The following PIK3C2G variants were observed in gnomAD, a reference collection of about 807,000 sequenced individuals.
PIK3C2G encodes the protein phosphatidylinositol-4-phosphate 3-kinase catalytic subunit type 2 gamma, also known as phosphatidylinositol 3-kinase C2 domain-containing subunit gamma.
Under a neutral mutation model 181.1 loss-of-function variants are expected in PIK3C2G, and 168 were observed. That is an observed-to-expected ratio of 0.93 (90% CI 0.82 to 1.05). The LOEUF (loss-of-function observed/expected upper bound fraction) is 1.05. Among genes scored for constraint, PIK3C2G ranks in the 50% least tolerant of loss-of-function variants. PIK3C2G has a pLI of 0.00. For missense variants in PIK3C2G, 1,869 were observed against 1,732.8 expected, an observed-to-expected ratio of 1.08 and a Z score of -1.40; for synonymous variants, 573 against 592.2, an observed-to-expected ratio of 0.97 and a Z score of 0.47.
chr12:18,397,956 T>C (rs1334194056), intron 15 of PIK3C2G, among the ~76,000 whole-genome samples: 3 of 152,104 alleles, frequency 2.0e-5, no homozygotes, highest in African/African-American at 4.8e-5. Context: ...GAATTAACTA[T>C]TGACAAACTC....
intron 31 of PIK3C2G, among the ~76,000 whole-genome samples, chr12:18,623,692 A>T (rs1234740690): frequency 1.3e-5 from 2 of 151,610 alleles, no homozygotes; most frequent in Non-Finnish European, 3.0e-5. Flanking sequence ...CTTTCCACGT[A>T]TTTGTGTTTT....
the PIK3C2G span, chr12:18,693,868 C>A: frequency 7.2e-6 from 11 of 1,533,432 alleles, no homozygotes; most frequent in South Asian, 1.1e-4. Context: ...AGAAGCCCAT[C>A]TTTCAGATTC....
intron 3 of PIK3C2G, among the ~76,000 whole-genome samples, chr12:18,289,093 A>G (rs899179740): frequency 6.6e-5 from 10 of 152,206 alleles, no homozygotes; most frequent in Non-Finnish European, 1.5e-4. Flanking sequence ...GTATACATGC[A>G]TAATTATTTT....
intron 16 of PIK3C2G, among the ~76,000 whole-genome samples, chr12:18,408,316 AG>A (rs764269502): frequency 1.3e-5 from 2 of 152,218 alleles, no homozygotes; most frequent in Non-Finnish European, 2.9e-5. Flanking sequence ...TTTATTAAAT[AG>A]GGAATCCTTT....
At chr12:18,639,713 A>C (rs2136788582) in intron 31 of PIK3C2G, among the ~76,000 whole-genome samples, 1 of 152,282 alleles carries the variant, frequency 6.6e-6, no homozygotes, top group East Asian at 1.9e-4. Context: ...CAAGTTCTGA[A>C]GCCAGGAAGG....
At chr12:18,340,413 A>C (rs1490578731) in intron 9 of PIK3C2G, among the ~76,000 whole-genome samples, 1 of 152,206 alleles carries the variant, frequency 6.6e-6, no homozygotes, top group Non-Finnish European at 1.5e-5. Context: ...CTTGTATCAG[A>C]GTCTTAAAAA....
At chr12:18,569,417 ACTGG>A (rs1239560475) in intron 29 of PIK3C2G, among the ~76,000 whole-genome samples, 1 of 152,044 alleles carries the variant, frequency 6.6e-6, no homozygotes, top group Non-Finnish European at 1.5e-5. Flanking sequence ...TAATAGAATG[ACTGG>A]TTTTAGGCCA....
In PIK3C2G at chr12:18,282,546, T is replaced by C. The variant is rs1355601970; in HGVS notation, c.465T>C (p.Asn155=). The C allele has an allele frequency of 2.5e-6, 4 of 1,610,966 alleles. No individual in the cohort carries two copies. The South Asian group carries it at 4.4e-5, about 18-fold the overall frequency. ...CATTCACAAGTTTGGATAAAATTAA[T>C]CTAGAGAAAGAATTAGAAAATGAAA... The part of the protein sequence containing the change: ...APSFTSLDKI[N]LEKELENENH... Residue 155 remains asparagine, a synonymous_variant, in exon 2 of 33, where the codon AAT becomes AAC. Coordinates refer to ENST00000538779, the MANE Select transcript of PIK3C2G (RefSeq NM_001288772.2).
At chr12:18,257,758 AG>A (rs1268233050), upstream of PIK3C2G, among the ~76,000 whole-genome samples, 2 of 147,538 alleles carry the variant, frequency 1.4e-5, no homozygotes, top group East Asian at 2.6e-4. Context: ...AGAAGGAGGG[AG>A]GAAAAAAAGA....
At chr12:18,334,674 G>T (rs1938349465) in intron 8 of PIK3C2G, among the ~76,000 whole-genome samples, 1 of 151,802 alleles carries the variant, frequency 6.6e-6, no homozygotes, top group South Asian at 2.1e-4. Flanking sequence ...TCAAATTTTA[G>T]TCTATGTATC....
intron 18 of PIK3C2G, among the ~76,000 whole-genome samples, chr12:18,475,273 A>G (rs1424493536): frequency 3.3e-5 from 5 of 151,654 alleles, no homozygotes; most frequent in Non-Finnish European, 7.4e-5. Flanking sequence ...GTAGCAGCCA[A>G]TCTAAACTTC....
intron 1 of PIK3C2G, among the ~76,000 whole-genome samples, chr12:18,268,266 A>G (rs1454800552): frequency 2.0e-5 from 3 of 152,118 alleles, no homozygotes; most frequent in Non-Finnish European, 4.4e-5. Flanking sequence ...ATACTAAATG[A>G]ATTTTTTTGT....
At chr12:18,395,390 T>TG in intron 15 of PIK3C2G, among the ~76,000 whole-genome samples, 1 of 150,770 alleles carries the variant, frequency 6.6e-6, no homozygotes, top group Admixed American at 6.6e-5. Flanking sequence ...AAACAACTTT[T>TG]TCAAATTAGA....
At chr12:18,415,679 G>A (rs768378624) in intron 16 of PIK3C2G, among the ~76,000 whole-genome samples, 13 of 152,212 alleles carry the variant, frequency 8.5e-5, no homozygotes, top group Non-Finnish European at 1.9e-4. Context: ...GTGCCAAACA[G>A]TTAACCAAAT....
chr12:18,653,606 G>A, the PIK3C2G span, among the ~76,000 whole-genome samples: 8 of 152,036 alleles, frequency 5.3e-5, no homozygotes, highest in African/African-American at 1.9e-4. Flanking sequence ...ATTTTGAAGT[G>A]GTTTTAGGGT....
chr12:18,476,768 A>G (rs1939042359), intron 18 of PIK3C2G, among the ~76,000 whole-genome samples: 1 of 152,084 alleles, frequency 6.6e-6, no homozygotes, highest in African/African-American at 2.4e-5. Flanking sequence ...GTGAAGAAGC[A>G]GGTATTGGGG....
intron 5 of PIK3C2G, among the ~76,000 whole-genome samples, chr12:18,302,332 G>T (rs1047366467): frequency 2.6e-5 from 4 of 152,168 alleles, no homozygotes; most frequent in East Asian, 1.9e-4. Flanking sequence ...GCTCACACTG[G>T]TGCTAGCAGT....
the PIK3C2G span, among the ~76,000 whole-genome samples, chr12:18,706,837 TACA>T: frequency 2.0e-5 from 3 of 152,170 alleles, no homozygotes; most frequent in South Asian, 2.1e-4. Flanking sequence ...CTTGGTGGCT[TACA>T]ACAACAACAT....
the PIK3C2G span, chr12:18,719,493 T>G: frequency 6.3e-7 from 1 of 1,589,310 alleles, no homozygotes; most frequent in South Asian, 1.2e-5. Flanking sequence ...ATGTGTTATG[T>G]GAAGATGAAA....
Sources: gnomAD v4.1 joint callset for allele counts (sites outside exome capture counted in the v4.1 genomes callset) on GRCh38, gnomAD v4.1.1 for gene constraint, MANE v1.5 for transcripts, NCBI Gene and HGNC (gene_info 2026-07-23, HGNC 2026-07-21) for gene names.